Variants in KCND2 observed in about 807,000 individuals in gnomAD.
KCND2 encodes potassium voltage-gated channel subfamily D member 2.
KCND2 carries 16 observed loss-of-function variants against 54.4 expected under a neutral mutation model. The observed-to-expected ratio is 0.29, with a 90% CI of 0.20 to 0.45. The LOEUF is 0.45. Among genes scored for constraint, KCND2 ranks in the 20% least tolerant of loss-of-function variants. The pLI, the probability that KCND2 is intolerant of heterozygous loss-of-function variation, is 1.00. For missense variants in KCND2, 486 were observed against 824.2 expected (o/e 0.59, Z 5.02); for synonymous variants, 317 against 310.7 (o/e 1.02, Z -0.21).
intron 1 of KCND2, among the ~76,000 whole-genome samples, chr7:120,276,289 C>T (rs558692693): frequency 2.7e-4 from 41 of 152,116 alleles, no homozygotes; most frequent in African/African-American, 7.9e-4. Flanking sequence ...AATATATATG[C>T]ACATATTCAT....
chr7:120,432,463 T>C (rs1801805555), intron 1 of KCND2, among the ~76,000 whole-genome samples: 2 of 151,880 alleles, frequency 1.3e-5, no homozygotes, highest in African/African-American at 2.4e-5. Flanking sequence ...AGGATACTTA[T>C]TCATACTTTT....
rs369510959 is a variant in KCND2 at position 120,305,534 on chromosome 7, T to A, written c.1115+29787T>A. 1.1e-4 allele frequency among the ~76,000 whole-genome samples: 17 copies of A among 152,276 alleles called. No individual in the cohort carries two copies. In the East Asian group the frequency reaches 1.7e-3, roughly 16 times the overall value. On this transcript the variant is annotated intron_variant, in intron 1 of 5. Transcript: ENST00000331113. ...TGTTTACTTTTGCTTCCCATTCAGT[T>A]TCCCTTATTCTCAAACACATCTTTT...
intron 1 of KCND2, among the ~76,000 whole-genome samples, chr7:120,302,596 A>G (rs531357832): frequency 2.2e-4 from 33 of 152,266 alleles, no homozygotes; most frequent in African/African-American, 7.7e-4. Flanking sequence ...CACATTAAAC[A>G]CACTATTAAA....
At chr7:120,346,099 T>C (rs1399552225) in intron 1 of KCND2, among the ~76,000 whole-genome samples, 5 of 152,218 alleles carry the variant, frequency 3.3e-5, no homozygotes, top group Non-Finnish European at 5.9e-5. Context: ...ATTAGTGATA[T>C]TGAACATCTT....
intron 1 of KCND2, among the ~76,000 whole-genome samples, chr7:120,667,677 CA>C (rs1791945458): frequency 6.6e-6 from 1 of 151,990 alleles, no homozygotes; most frequent in East Asian, 1.9e-4. Context: ...AGCTTAGAGG[CA>C]TTAGAGTTCT....
At chr7:120,528,265 T>C (rs1424185492) in intron 1 of KCND2, among the ~76,000 whole-genome samples, 2 of 152,100 alleles carry the variant, frequency 1.3e-5, no homozygotes, top group Non-Finnish European at 2.9e-5. Context: ...TAAAAGTAAA[T>C]TTTAAAATTT....
intron 1 of KCND2, among the ~76,000 whole-genome samples, chr7:120,698,756 A>G (rs1351773551): frequency 6.6e-6 from 1 of 152,216 alleles, no homozygotes; most frequent in Admixed American, 6.5e-5. Context: ...TACCCCACAA[A>G]AGGAATTTGG....
At chr7:120,677,376 G>A (rs1792075363) in intron 1 of KCND2, among the ~76,000 whole-genome samples, 1 of 152,016 alleles carries the variant, frequency 6.6e-6, no homozygotes. Context: ...AACAAGAGAA[G>A]AGTCATAAAA....
Position 120,319,404 on chromosome 7 carries a change from A to G in KCND2, c.1115+43657A>G, listed in dbSNP as rs144084649. Among the ~76,000 whole-genome samples the G allele has an allele frequency of 3.9e-5, 6 of 152,204 alleles. No homozygotes were observed. In the East Asian group the frequency reaches 1.2e-3, roughly 29 times the overall value. Reference sequence around the variant, plus strand: ...TTGCATTTACTCTTCTATCACATATACTTTCTATATTAGAATAGACATTCT... The same window carrying G: ...TTGCATTTACTCTTCTATCACATATGCTTTCTATATTAGAATAGACATTCT... On this transcript the variant is annotated intron_variant, in intron 1 of 5. Transcript: ENST00000331113.
At chr7:120,732,077 A>T (rs980763956) in intron 1 of KCND2, among the ~76,000 whole-genome samples, 3 of 152,196 alleles carry the variant, frequency 2.0e-5, no homozygotes, top group Admixed American at 6.5e-5. Context: ...ATGGCTGTCA[A>T]TATAAATCAA....
intron 1 of KCND2, among the ~76,000 whole-genome samples, chr7:120,313,433 AT>A (rs1055854447): frequency 1.3e-5 from 2 of 152,216 alleles, no homozygotes; most frequent in Non-Finnish European, 2.9e-5. Context: ...TTGTTATTCA[AT>A]TTTTTTGTGA....
chr7:120,471,360 G>T (rs1281718383), intron 1 of KCND2, among the ~76,000 whole-genome samples: 1 of 152,064 alleles, frequency 6.6e-6, no homozygotes, highest in Non-Finnish European at 1.5e-5. Context: ...AGCAAGTTAT[G>T]ATTTGCTTGA....
chr7:120,688,814 G>A lies in KCND2; in HGVS notation c.1116-44089G>A, dbSNP rs563607327. ...TTACAAAAATAGAAGTAACTGTACT[G>A]CTCTAAAGATGTACTTTTGTCTGTA... On this transcript the variant is annotated intron_variant, in intron 1 of 5. Transcript: ENST00000331113. Among the ~76,000 whole-genome samples the A allele has an allele frequency of 2.0e-4, 30 of 152,258 alleles. No individual in the cohort carries two copies. In the South Asian group the frequency reaches 6.2e-3, roughly 32 times the overall value.
Position 120,745,967 on chromosome 7 carries a change from G to A in KCND2, c.1655G>A (p.Ser552Asn). 1 of 1,613,818 alleles carries A rather than the reference G, an allele frequency of 6.2e-7. No homozygotes were observed. Among genetic ancestry groups the A allele is most frequent in the Middle Eastern group, 1.7e-4 (1 of 6,060 alleles). The change falls in exon 5 of 6, where the codon AGT becomes AAT. Residue 552 changes from serine to asparagine, a missense_variant. Transcript: ENST00000331113. ...AATGTATCAGGAAGCCATCAAGGTA[G>A]TATACAAGAACTCAGCACGATTCAG... The part of the protein sequence containing the change: ...NANVSGSHQG[S>N]IQELSTIQIR...
intron 1 of KCND2, among the ~76,000 whole-genome samples, chr7:120,566,018 G>A (rs954396729): frequency 4.6e-5 from 7 of 152,136 alleles, no homozygotes; most frequent in Non-Finnish European, 1.0e-4. Context: ...CCTATCTTCA[G>A]GGATAGCTGA....
intron 1 of KCND2, among the ~76,000 whole-genome samples, chr7:120,622,566 C>G (rs1179950127): frequency 6.6e-6 from 1 of 151,614 alleles, no homozygotes; most frequent in African/African-American, 2.4e-5. Flanking sequence ...TACCGCAACT[C>G]CACATAATAT....
intron 1 of KCND2, among the ~76,000 whole-genome samples, chr7:120,713,857 T>TA (rs1337502383): frequency 6.6e-6 from 1 of 152,172 alleles, no homozygotes; most frequent in African/African-American, 2.4e-5. Context: ...TGTTTTGACA[T>TA]ACTAGTCTTG....
At chr7:120,300,934 A>T (rs1157054100) in intron 1 of KCND2, among the ~76,000 whole-genome samples, 1 of 152,108 alleles carries the variant, frequency 6.6e-6, no homozygotes, top group Admixed American at 6.6e-5. Flanking sequence ...GCCCCAATAC[A>T]GTTGTAAAGT....
At chr7:120,621,822 C>T (rs1359477995) in intron 1 of KCND2, among the ~76,000 whole-genome samples, 2 of 152,128 alleles carry the variant, frequency 1.3e-5, no homozygotes, top group Non-Finnish European at 2.9e-5. Flanking sequence ...TCTCCATTTA[C>T]AACTGTCATT....
Sources: gnomAD v4.1 joint callset for allele counts (sites outside exome capture counted in the v4.1 genomes callset) on GRCh38, gnomAD v4.1.1 for gene constraint, MANE v1.5 for transcripts, NCBI Gene and HGNC (gene_info 2026-07-23, HGNC 2026-07-21) for gene names.